THSD7A: variants seen among roughly 807,000 people sequenced by gnomAD.
The protein encoded by THSD7A is thrombospondin type-1 domain-containing protein 7A.
Under a neutral mutation model 231.3 loss-of-function variants are expected in THSD7A, and 96 were observed. That is an observed-to-expected ratio of 0.41 (90% CI 0.35 to 0.49). THSD7A has a LOEUF of 0.49. Ranked by LOEUF, THSD7A falls within the 20% of genes least tolerant of loss-of-function variation. The probability of loss-of-function intolerance (pLI) is 0.05; values close to 1 mark genes in which losing one functional copy is unlikely to be tolerated. For missense variants in THSD7A, 2,290 were observed against 2,070.2 expected (o/e 1.11, Z -2.06); for synonymous variants, 940 against 743.3 (o/e 1.26, Z -4.30).
chr7:11,446,257 A>G lies in THSD7A; in HGVS notation c.2868T>C (p.Cys956=). 2 of 1,613,476 alleles carry G rather than the reference A, an allele frequency of 1.2e-6. No individual in the cohort carries two copies. Among genetic ancestry groups the G allele is most frequent in the Non-Finnish European group, 8.5e-7 (1 of 1,179,580 alleles). The change falls in exon 13 of 28, where the codon TGT becomes TGC. Residue 956 remains cysteine (C), a synonymous_variant. Transcript: ENST00000423059. The surrounding 1 kb of genome is among the most constrained non-coding windows in gnomAD (Gnocchi z 4.0). ...GTTGTGCATTATATTTGTCACAAGG[A>G]CAATACTGAGTCTCAATCAGGGGAT... ...HLYPLIETQY[C]PCDKYNAQPV...
chr7:11,551,833 C>G (rs1789640817), intron 4 of THSD7A, among the ~76,000 whole-genome samples: 3 of 152,196 alleles, frequency 2.0e-5, no homozygotes, highest in African/African-American at 7.2e-5. Context: ...CCCAGCCATC[C>G]TACTACTGGG....
At chr7:11,739,655 C>A (rs915870362) in intron 1 of THSD7A, among the ~76,000 whole-genome samples, 4 of 151,728 alleles carry the variant, frequency 2.6e-5, no homozygotes, top group Non-Finnish European at 5.9e-5. Context: ...TGGTCTCAAG[C>A]AATCCTCTCA....
chr7:11,594,317 C>A (rs1780278914), intron 2 of THSD7A, among the ~76,000 whole-genome samples: 2 of 152,128 alleles, frequency 1.3e-5, no homozygotes, highest in Non-Finnish European at 2.9e-5. Flanking sequence ...AGTTCTGTCC[C>A]TCTAGAGAAC....
At chr7:11,812,731 C>A (rs535894352) in intron 1 of THSD7A, among the ~76,000 whole-genome samples, 7 of 152,062 alleles carry the variant, frequency 4.6e-5, no homozygotes, top group Non-Finnish European at 1.0e-4. Context: ...TTTTCCCTGA[C>A]CTTGGCTTCT....
At chr7:11,663,457 A>G (rs1783008860) in intron 1 of THSD7A, among the ~76,000 whole-genome samples, 1 of 151,560 alleles carries the variant, frequency 6.6e-6, no homozygotes, top group Non-Finnish European at 1.5e-5. Flanking sequence ...AAACAAAAAC[A>G]AAAACAAAAG....
At chr7:11,571,988 A>G (rs897364686) in intron 4 of THSD7A, among the ~76,000 whole-genome samples, 1 of 151,894 alleles carries the variant, frequency 6.6e-6, no homozygotes, top group Non-Finnish European at 1.5e-5. Context: ...ATTTCTTCAA[A>G]TATGTTTTCT....
chr7:11,686,982 A>G (rs1780077413), intron 1 of THSD7A, among the ~76,000 whole-genome samples: 1 of 151,924 alleles, frequency 6.6e-6, no homozygotes, highest in Non-Finnish European at 1.5e-5. Context: ...AAAATTGGGG[A>G]AAATAAACAA....
chr7:11,675,196 C>T (rs1194440669), intron 1 of THSD7A, among the ~76,000 whole-genome samples: 1 of 152,046 alleles, frequency 6.6e-6, no homozygotes, highest in Non-Finnish European at 1.5e-5. Context: ...CCAAGGGAAG[C>T]CATGTGGGAC....
intron 6 of THSD7A, among the ~76,000 whole-genome samples, chr7:11,538,813 C>G (rs1789023586): frequency 6.6e-6 from 1 of 152,096 alleles, no homozygotes. Context: ...TCTTACAACC[C>G]TCCCCAAGCC....
intron 1 of THSD7A, among the ~76,000 whole-genome samples, chr7:11,710,232 A>G (rs1331798196): frequency 6.7e-6 from 1 of 150,198 alleles, no homozygotes; most frequent in African/African-American, 2.4e-5. Context: ...AGCGTTGAGA[A>G]TCAGTGCATC....
In THSD7A at chr7:11,788,700, G is replaced by T. The variant is rs192998071; in HGVS notation, c.190+43057C>A. Among the ~76,000 whole-genome samples the T allele has an allele frequency of 2.6e-5, 4 of 152,082 alleles. No individual in the cohort carries two copies. In the East Asian group the frequency reaches 7.8e-4, roughly 29 times the overall value. On this transcript the variant is annotated intron_variant, in intron 1 of 27. Transcript: ENST00000423059. ...AAACTCACAGGCTCTGGATCAGACT[G>T]CTTTTATTCAAATTTCATTTTTACT...
intron 1 of THSD7A, among the ~76,000 whole-genome samples, chr7:11,664,151 G>A (rs1014246177): frequency 1.3e-5 from 2 of 151,398 alleles, no homozygotes; most frequent in Admixed American, 6.6e-5. Flanking sequence ...ATCCTTTTAC[G>A]AAGGATTCAA....
chr7:11,607,832 A>G (rs1780783253), intron 2 of THSD7A, among the ~76,000 whole-genome samples: 2 of 152,058 alleles, frequency 1.3e-5, no homozygotes, highest in South Asian at 4.1e-4. Context: ...TCTTTTGTTG[A>G]GCTGCTGGGG....
intron 22 of THSD7A, among the ~76,000 whole-genome samples, chr7:11,404,964 ATAGTT>A (rs1190315070): frequency 6.6e-6 from 1 of 152,102 alleles, no homozygotes; most frequent in African/African-American, 2.4e-5. Context: ...GTTTTTAAAA[ATAGTT>A]TAGTTCTTGA....
At position 11,442,479 on chromosome 7, in the gene THSD7A, C is replaced by A. The variant is rs572636507; in HGVS notation, c.3064+3582G>T. 3.3e-5 allele frequency among the ~76,000 whole-genome samples: 5 copies of A among 152,092 alleles called. No individual in the cohort carries two copies. In the South Asian group the frequency reaches 1.0e-3, roughly 32 times the overall value. ...GTCATTGCACTGCACACACGGGGAT[C>A]AATTTTGTCTTTAAATTGAAAGCTG... On this transcript the variant is annotated intron_variant, in intron 13 of 27. Transcript: ENST00000423059.
At chr7:11,520,854 G>A (rs991030606) in intron 6 of THSD7A, among the ~76,000 whole-genome samples, 25 of 152,114 alleles carry the variant, frequency 1.6e-4, no homozygotes, top group African/African-American at 4.6e-4. Flanking sequence ...TTTGGCATAA[G>A]AGAAAAAGTA....
At position 11,474,014 on chromosome 7, in the gene THSD7A, A is replaced by G. The variant is rs1164467736; in HGVS notation, c.2252+320T>C. On this transcript the variant is annotated intron_variant, in intron 8 of 27. Coordinates refer to ENST00000423059, the MANE Select transcript of THSD7A (RefSeq NM_015204.3). This position sits in a 1 kb window ranked among gnomAD's most constrained non-coding sequence, Gnocchi z 4.1. ...GACCTACACTGCCAGGACCTAGTAC[A>G]CTGTCATTATTGATCAGCCAGGCTT... 6.6e-6 allele frequency among the ~76,000 whole-genome samples: 1 copy of G among 152,124 alleles called. No individual in the cohort carries two copies. The highest frequency in any genetic ancestry group is 1.5e-5 in the Non-Finnish European group (1 of 68,028).
intron 1 of THSD7A, among the ~76,000 whole-genome samples, chr7:11,736,101 A>G (rs1781904533): frequency 6.6e-6 from 1 of 151,976 alleles, no homozygotes; most frequent in Admixed American, 6.6e-5. Flanking sequence ...ATATCAAGGC[A>G]AAGAACCACA....
At chr7:11,537,743 G>A (rs1035911866) in intron 6 of THSD7A, among the ~76,000 whole-genome samples, 1 of 152,092 alleles carries the variant, frequency 6.6e-6, no homozygotes, top group African/African-American at 2.4e-5. Context: ...ACAAATAGCC[G>A]AACACAGTCA....
Sources: allele counts gnomAD v4.1 joint callset (sites outside exome capture counted in the v4.1 genomes callset), GRCh38; gene constraint gnomAD v4.1.1; non-coding constraint Gnocchi (gnomAD v3.1); transcripts MANE v1.5; gene names NCBI Gene and HGNC (gene_info 2026-07-23, HGNC 2026-07-21).